The following AKR1C8 variants were observed in gnomAD, a reference collection of about 807,000 sequenced individuals.
AKR1C8 encodes aldo-keto reductase family 1 member C8.
At chr10:5,161,998 T>C in the AKR1C8 span, 3 of 527,206 alleles carry the variant, frequency 5.7e-6, no homozygotes, top group Admixed American at 4.0e-5. Context: ...GAAACAAAAA[T>C]GGATTATAAT....
At chr10:5,148,085 C>A in the AKR1C8 span, among the ~76,000 whole-genome samples, 11 of 152,106 alleles carry the variant, frequency 7.2e-5, no homozygotes, top group African/African-American at 2.7e-4. Context: ...AGGTGTGAGG[C>A]CTCTGGCTTC....
the AKR1C8 span, chr10:5,132,703 A>C: frequency 1.9e-6 from 3 of 1,584,046 alleles, no homozygotes; most frequent in Non-Finnish European, 2.6e-6. Flanking sequence ...AAATGAGCAG[A>C]ATCAATATGG....
chr10:5,158,640 C>T, the AKR1C8 span: 2 of 484,806 alleles, frequency 4.1e-6, no homozygotes, highest in Admixed American at 2.2e-5. Context: ...CTGTAGGCAA[C>T]TAGAACAATG....
At chr10:5,174,944 T>C in the AKR1C8 span, among the ~76,000 whole-genome samples, 6 of 152,028 alleles carry the variant, frequency 3.9e-5, no homozygotes, top group Non-Finnish European at 8.8e-5. Flanking sequence ...AAATCGAACA[T>C]TGAAATAAAA....
At chr10:5,166,855 T>C in the AKR1C8 span, among the ~76,000 whole-genome samples, 3 of 151,550 alleles carry the variant, frequency 2.0e-5, no homozygotes, top group East Asian at 3.9e-4. Context: ...ACAGGCAACC[T>C]AGAGAATGGG....
the AKR1C8 span, among the ~76,000 whole-genome samples, chr10:5,139,439 G>A: frequency 6.6e-6 from 1 of 152,196 alleles, no homozygotes; most frequent in Non-Finnish European, 1.5e-5. Flanking sequence ...CATGGTACTA[G>A]TACCAAAACA....
the AKR1C8 span, among the ~76,000 whole-genome samples, chr10:5,142,093 T>C: frequency 6.6e-6 from 1 of 152,130 alleles, no homozygotes; most frequent in African/African-American, 2.4e-5. Context: ...CCATCAGTAC[T>C]TGCTTTATTT....
At chr10:5,167,551 G>A in the AKR1C8 span, among the ~76,000 whole-genome samples, 31 of 152,214 alleles carry the variant, frequency 2.0e-4, no homozygotes, top group South Asian at 1.9e-3. Context: ...ACCAAACACC[G>A]CATGTTCTCA....
chr10:5,146,022 A>C, the AKR1C8 span, among the ~76,000 whole-genome samples: 1 of 152,088 alleles, frequency 6.6e-6, no homozygotes, highest in South Asian at 2.1e-4. Context: ...GCAGCCATAA[A>C]AAATGATAAG....
At chr10:5,157,110 G>A in the AKR1C8 span, among the ~76,000 whole-genome samples, 2 of 152,172 alleles carry the variant, frequency 1.3e-5, no homozygotes, top group African/African-American at 2.4e-5. Context: ...TCCAGAAGGA[G>A]CCATTGTATT....
At chr10:5,175,943 T>G in the AKR1C8 span, among the ~76,000 whole-genome samples, 2 of 152,200 alleles carry the variant, frequency 1.3e-5, no homozygotes, top group Admixed American at 1.3e-4. Context: ...TTCACTCTAA[T>G]GGTAGTTTCT....
the AKR1C8 span, among the ~76,000 whole-genome samples, chr10:5,136,540 A>G: frequency 6.6e-5 from 10 of 152,162 alleles, no homozygotes; most frequent in South Asian, 6.2e-4. Context: ...CATGATTAAC[A>G]TCCCTGATGA....
chr10:5,147,619 T>C, the AKR1C8 span, among the ~76,000 whole-genome samples: 1 of 152,092 alleles, frequency 6.6e-6, no homozygotes, highest in Non-Finnish European at 1.5e-5. Context: ...CGTTCAACCT[T>C]ATAGTTCCAA....
the AKR1C8 span, chr10:5,157,874 C>T: frequency 0.022 from 8,598 of 394,718 alleles, 141 homozygotes; most frequent in Non-Finnish European, 0.032. Context: ...TCCTTTTCCC[C>T]AAATTCTCCA....
At chr10:5,161,954 G>C in the AKR1C8 span, 4 of 533,512 alleles carry the variant, frequency 7.5e-6, no homozygotes, top group African/African-American at 3.9e-5. Flanking sequence ...AATTCTGCCC[G>C]AAAGAAAGTA....
the AKR1C8 span, among the ~76,000 whole-genome samples, chr10:5,176,475 C>G: frequency 7.3e-5 from 11 of 149,898 alleles, no homozygotes; most frequent in Non-Finnish European, 1.5e-4. Flanking sequence ...TTTTTTGGTT[C>G]CATACGAACT....
the AKR1C8 span, chr10:5,157,765 G>A: frequency 1.5e-5 from 7 of 471,726 alleles, no homozygotes; most frequent in African/African-American, 8.0e-5. Context: ...TTTCAAGATC[G>A]GCTCCTCCAA....
the AKR1C8 span, among the ~76,000 whole-genome samples, chr10:5,178,684 T>C: frequency 6.6e-6 from 1 of 152,208 alleles, no homozygotes; most frequent in African/African-American, 2.4e-5. Flanking sequence ...TGCATATATA[T>C]TTAGGATAGT....
the AKR1C8 span, among the ~76,000 whole-genome samples, chr10:5,134,167 A>C: frequency 3.9e-5 from 6 of 152,268 alleles, no homozygotes; most frequent in South Asian, 1.0e-3. Flanking sequence ...CCTTCCCCTG[A>C]TACCAGCCCT....
Sources: allele counts gnomAD v4.1 joint callset (sites outside exome capture counted in the v4.1 genomes callset), GRCh38; gene constraint gnomAD v4.1.1; transcripts MANE v1.5; gene names NCBI Gene and HGNC (gene_info 2026-07-23, HGNC 2026-07-21).